Variants in SASH1 observed in about 807,000 individuals in gnomAD.
SASH1 encodes the protein SAM and SH3 domain containing 1, also known as SAM and SH3 domain-containing protein 1.
In SASH1, 44 loss-of-function variants were observed where a neutral mutation model predicts 125.2. The ratio of observed to expected loss-of-function variants is 0.35; its 90% CI spans 0.28 to 0.45. SASH1 has a LOEUF of 0.45. Among genes scored for constraint, SASH1 ranks in the 20% least tolerant of loss-of-function variants. The pLI is 1.00. For synonymous variants in SASH1, 639 were observed against 649.1 expected (o/e 0.98, Z 0.24); for missense variants, 1,426 against 1,614.5 (o/e 0.88, Z 2.00).
At chr6:148,268,522 A>G (rs549869443), upstream of SASH1, among the ~76,000 whole-genome samples, 2 of 152,314 alleles carry the variant, frequency 1.3e-5, no homozygotes, top group South Asian at 2.1e-4. Flanking sequence ...ACTCTGTGCA[A>G]TTTCCCTCAT....
chr6:148,220,398 G>T, the SASH1 span, among the ~76,000 whole-genome samples: 4 of 152,178 alleles, frequency 2.6e-5, no homozygotes, highest in Non-Finnish European at 5.9e-5. Flanking sequence ...CCATTCATAA[G>T]GGTGGACTTA....
chr6:148,536,908 A>C (rs1229507925), intron 16 of SASH1, among the ~76,000 whole-genome samples: 1 of 152,210 alleles, frequency 6.6e-6, no homozygotes, highest in African/African-American at 2.4e-5. Flanking sequence ...TTGTGGATCT[A>C]TTCTGCTCTG....
rs1230631030 is a variant in SASH1, at chr6:148,356,081, T to TC, written c.156+12858_156+12859insC. Among the ~76,000 whole-genome samples, 5 of 151,258 alleles carry TC rather than the reference T, an allele frequency of 3.3e-5. No homozygotes were observed. In the East Asian group the frequency reaches 7.8e-4, roughly 24 times the overall value. On this transcript the variant is annotated intron_variant, in intron 1 of 19. Coordinates refer to ENST00000367467, the MANE Select transcript of SASH1 (RefSeq NM_015278.5). ...CATTGTATCATTCTGTTTTTTTTTT[T>TC]TTTTCTTTTCTTTTCTTTTTTGAGA...
At chr6:148,424,235 T>C (rs1775705224) in intron 2 of SASH1, among the ~76,000 whole-genome samples, 1 of 151,242 alleles carries the variant, frequency 6.6e-6, no homozygotes, top group Non-Finnish European at 1.5e-5. Context: ...TCTTCTTCTT[T>C]TTTTTTTTTG....
intron 1 of SASH1, among the ~76,000 whole-genome samples, chr6:148,279,259 A>G (rs975911119): frequency 9.2e-5 from 14 of 152,082 alleles, no homozygotes; most frequent in Non-Finnish European, 1.5e-5. Context: ...CAAAAGTGCT[A>G]GGATTACAGA....
chr6:148,518,074 AG>A (rs1780547195), intron 9 of SASH1, among the ~76,000 whole-genome samples: 1 of 152,130 alleles, frequency 6.6e-6, no homozygotes, highest in African/African-American at 2.4e-5. Flanking sequence ...TAACTAGAAG[AG>A]GTTGCCATTT....
intron 1 of SASH1, among the ~76,000 whole-genome samples, chr6:148,389,486 T>C (rs1783609816): frequency 6.6e-6 from 1 of 152,232 alleles, no homozygotes; most frequent in South Asian, 2.1e-4. Context: ...ATGAATAATA[T>C]GAATATTAAT....
intron 8 of SASH1, 75 bp downstream of exon 8, chr6:148,487,790 ATTTC>A (rs1252831066): frequency 5.3e-6 from 6 of 1,138,768 alleles, no homozygotes; most frequent in Non-Finnish European, 1.3e-6. Context: ...TAGTCTTTGT[ATTTC>A]TTTTCGAAAC....
intron 1 of SASH1, among the ~76,000 whole-genome samples, chr6:148,389,498 A>G (rs1184593399): frequency 6.6e-6 from 1 of 152,246 alleles, no homozygotes; most frequent in African/African-American, 2.4e-5. Flanking sequence ...AATATTAATG[A>G]CCATAATAAT....
At chr6:148,266,682 C>T in the SASH1 span, among the ~76,000 whole-genome samples, 1 of 152,264 alleles carries the variant, frequency 6.6e-6, no homozygotes, top group Admixed American at 6.5e-5. Flanking sequence ...CTCACTGCAG[C>T]CTCAACTTCC....
At chr6:148,439,344 A>G (rs1167753140) in intron 2 of SASH1, among the ~76,000 whole-genome samples, 1 of 152,176 alleles carries the variant, frequency 6.6e-6, no homozygotes, top group Non-Finnish European at 1.5e-5. Flanking sequence ...TTAAATTTCC[A>G]GATAGGTCAG....
At chr6:148,430,926 A>G (rs932717269) in intron 2 of SASH1, among the ~76,000 whole-genome samples, 1 of 152,236 alleles carries the variant, frequency 6.6e-6, no homozygotes, top group Non-Finnish European at 1.5e-5. Context: ...CCTAAAGATT[A>G]TCAAGTGGTC....
chr6:148,200,023 T>C, the SASH1 span, among the ~76,000 whole-genome samples: 6 of 152,164 alleles, frequency 3.9e-5, no homozygotes, highest in Admixed American at 2.0e-4. Flanking sequence ...TCTGCGACCC[T>C]TGATGGAATT....
intron 4 of SASH1, among the ~76,000 whole-genome samples, chr6:148,448,030 C>G (rs1420005910): frequency 6.6e-6 from 1 of 152,070 alleles, no homozygotes; most frequent in Non-Finnish European, 1.5e-5. Context: ...CAGAATTCTC[C>G]CGTAATCCAC....
chr6:148,532,158 A>G lies in SASH1; in HGVS notation c.1564+497A>G, dbSNP rs971321936. Among the ~76,000 whole-genome samples the G allele has an allele frequency of 2.8e-4, 42 of 152,104 alleles. No homozygotes were observed. The highest frequency in any genetic ancestry group is 8.9e-4 in the African/African-American group (37 of 41,496). ...AGTGTTGTGATCTCAGCTCACTGCA[A>G]CCTTCACCTCCCTGGCTCAAGGGAT... On this transcript the variant is annotated intron_variant, in intron 13 of 19. Coordinates refer to ENST00000367467, the MANE Select transcript of SASH1 (RefSeq NM_015278.5). The surrounding 1 kb of genome is among the most constrained non-coding windows in gnomAD (Gnocchi z 4.7).
At chr6:148,231,734 A>G in the SASH1 span, among the ~76,000 whole-genome samples, 1 of 151,804 alleles carries the variant, frequency 6.6e-6, no homozygotes, top group South Asian at 2.1e-4. Context: ...GACCTTTAAT[A>G]CAACTAAACT....
intron 16 of SASH1, among the ~76,000 whole-genome samples, chr6:148,540,080 C>A (rs1356681263): frequency 1.3e-5 from 2 of 152,136 alleles, no homozygotes; most frequent in African/African-American, 4.8e-5. Flanking sequence ...TCTTTCTTTG[C>A]TTCTCCTTGA....
intron 1 of SASH1, among the ~76,000 whole-genome samples, chr6:148,384,957 A>C (rs1783301234): frequency 6.6e-6 from 1 of 152,202 alleles, no homozygotes; most frequent in Non-Finnish European, 1.5e-5. Context: ...ATCATCAGGT[A>C]GTTGGTTGGT....
chr6:148,208,398 C>A, the SASH1 span, among the ~76,000 whole-genome samples: 3 of 152,160 alleles, frequency 2.0e-5, no homozygotes, highest in Non-Finnish European at 4.4e-5. Flanking sequence ...ACTACAGCAG[C>A]CATTTGTCAC....
Sources: gnomAD v4.1 joint callset for allele counts (sites outside exome capture counted in the v4.1 genomes callset) on GRCh38, gnomAD v4.1.1 for gene constraint, Gnocchi (gnomAD v3.1) non-coding constraint, MANE v1.5 for transcripts, NCBI Gene and HGNC (gene_info 2026-07-23, HGNC 2026-07-21) for gene names.